Variants in RIMS2 observed in about 807,000 individuals in gnomAD.
RIMS2 encodes the protein regulating synaptic membrane exocytosis 2.
RIMS2 carries 59 observed loss-of-function variants against 174.4 expected under a neutral mutation model. That is an observed-to-expected ratio of 0.34 (90% CI 0.27 to 0.42). The LOEUF is 0.42. Among genes scored for constraint, RIMS2 ranks in the 10% least tolerant of loss-of-function variants. The pLI is 1.00. For synonymous variants in RIMS2, 606 were observed against 572.5 expected (o/e 1.06, Z -0.84); for missense variants, 1,620 against 1,666.3 (o/e 0.97, Z 0.48).
intron 1 of RIMS2, among the ~76,000 whole-genome samples, chr8:103,586,541 T>A (rs1321534955): frequency 6.6e-6 from 1 of 152,088 alleles, no homozygotes; most frequent in Non-Finnish European, 1.5e-5. Context: ...AAAAATTTGT[T>A]GAAATAAATG....
intron 19 of RIMS2, among the ~76,000 whole-genome samples, chr8:104,138,455 T>C (rs1217334715): frequency 6.6e-6 from 1 of 152,200 alleles, no homozygotes; most frequent in African/African-American, 2.4e-5. Context: ...CTTTTTTCGA[T>C]AAAATCCATT....
At chr8:103,520,818 A>G (rs561340151) in intron 1 of RIMS2, among the ~76,000 whole-genome samples, 5 of 152,100 alleles carry the variant, frequency 3.3e-5, no homozygotes, top group Non-Finnish European at 7.4e-5. Flanking sequence ...TGAAATCACC[A>G]TCTTTCAAAT....
chr8:103,996,337 C>G (rs1015837358), intron 17 of RIMS2, among the ~76,000 whole-genome samples: 1 of 151,680 alleles, frequency 6.6e-6, no homozygotes, highest in African/African-American at 2.4e-5. Context: ...TGAACCTCCT[C>G]GTAAATAGGC....
At chr8:103,984,792 GC>G (rs2094212373) in intron 16 of RIMS2, among the ~76,000 whole-genome samples, 1 of 152,188 alleles carries the variant, frequency 6.6e-6, no homozygotes, top group Non-Finnish European at 1.5e-5. Context: ...AGATTTGGAA[GC>G]AACCTACATG....
At chr8:103,768,441 G>A (rs1331198101) in intron 3 of RIMS2, 3 of 768,056 alleles carry the variant, frequency 3.9e-6, no homozygotes, top group East Asian at 4.9e-5. Context: ...CTAATCAGTG[G>A]TGGGAATGAC....
chr8:103,536,621 T>A lies in RIMS2; in HGVS notation c.176+35559T>A, dbSNP rs374601700. Among the ~76,000 whole-genome samples the A allele has an allele frequency of 2.0e-5, 3 of 152,144 alleles. No homozygotes were observed. In the East Asian group the frequency reaches 5.8e-4, roughly 29 times the overall value. On this transcript the variant is annotated intron_variant, in intron 1 of 23. Coordinates refer to ENST00000504942, the Ensembl canonical transcript of RIMS2. ...GAGGGGGAAGCAGGCACATCTTGCA[T>A]GGCCAGAGCAAGAGCAAGAGACACT...
chr8:104,093,790 A>G (rs1291636783), intron 19 of RIMS2, 147 bp downstream of exon 24: 2 of 530,424 alleles, frequency 3.8e-6, no homozygotes, highest in African/African-American at 2.0e-5. Flanking sequence ...CTACTTTTTA[A>G]TATATTTTAA....
At chr8:103,875,339 A>T (rs2099131168) in intron 3 of RIMS2, among the ~76,000 whole-genome samples, 1 of 151,936 alleles carries the variant, frequency 6.6e-6, no homozygotes, top group Non-Finnish European at 1.5e-5. Context: ...CTTAGCTCCC[A>T]CTTATGAGTA....
At chr8:103,605,481 C>T (rs1438110943) in intron 1 of RIMS2, among the ~76,000 whole-genome samples, 1 of 150,014 alleles carries the variant, frequency 6.7e-6, no homozygotes, top group East Asian at 2.0e-4. Flanking sequence ...TGTGTCTCTG[C>T]CCGGCTTTGG....
rs186263806 is a variant in RIMS2 at position 104,028,612 on chromosome 8, G to A, written c.3334+13997G>A. Among the ~76,000 whole-genome samples, 26 of 152,212 alleles carry A rather than the reference G, an allele frequency of 1.7e-4. No individual in the cohort carries two copies. In the East Asian group the frequency reaches 4.8e-3, roughly 28 times the overall value. On this transcript the variant is annotated intron_variant, in intron 19 of 23. Coordinates refer to ENST00000504942, the Ensembl canonical transcript of RIMS2. ...TTCTGGAAAATCTTGTAAACTCTCA[G>A]TGCCTCAATTTCACCATCTCTGTTA...
intron 2 of RIMS2, among the ~76,000 whole-genome samples, chr8:103,727,175 A>G (rs902584235): frequency 9.2e-5 from 14 of 151,906 alleles, no homozygotes; most frequent in African/African-American, 3.4e-4. Flanking sequence ...TATTATTTGA[A>G]TTTTTTAGTT....
At chr8:103,663,511 A>G (rs2096629640) in intron 1 of RIMS2, among the ~76,000 whole-genome samples, 1 of 152,226 alleles carries the variant, frequency 6.6e-6, no homozygotes, top group Non-Finnish European at 1.5e-5. Context: ...CAGCCAAATC[A>G]TGAGTGATCT....
chr8:103,907,754 T>C (rs1165852053), intron 4 of RIMS2, among the ~76,000 whole-genome samples: 1 of 151,246 alleles, frequency 6.6e-6, no homozygotes, highest in African/African-American at 2.4e-5. Context: ...TTATTTTTTA[T>C]GTTTTTTTTT....
intron 1 of RIMS2, among the ~76,000 whole-genome samples, chr8:103,575,573 T>C (rs530273166): frequency 6.6e-6 from 1 of 151,400 alleles, no homozygotes; most frequent in Admixed American, 6.6e-5. Flanking sequence ...TCAAAGGTGG[T>C]GAAGTGAAGC....
At chr8:104,071,980 T>C (rs2097204746) in intron 19 of RIMS2, among the ~76,000 whole-genome samples, 2 of 152,194 alleles carry the variant, frequency 1.3e-5, no homozygotes, top group Non-Finnish European at 2.9e-5. Flanking sequence ...TCCTACTGAA[T>C]GTAGAATACT....
chr8:103,651,249 C>A (rs2096447266), intron 1 of RIMS2, among the ~76,000 whole-genome samples: 1 of 152,190 alleles, frequency 6.6e-6, no homozygotes, highest in Non-Finnish European at 1.5e-5. Context: ...CCCTACCCTG[C>A]TTCTCTTTGT....
intron 3 of RIMS2, among the ~76,000 whole-genome samples, chr8:103,854,385 C>T (rs114415087): frequency 0.01 from 1,565 of 152,034 alleles, 29 homozygotes; most frequent in African/African-American, 0.036. Flanking sequence ...GCTAGGACTT[C>T]AGTAATATGT....
chr8:103,801,745 T>G (rs1369830633), intron 3 of RIMS2, among the ~76,000 whole-genome samples: 3 of 152,222 alleles, frequency 2.0e-5, no homozygotes, highest in African/African-American at 7.2e-5. Flanking sequence ...TGTTTTGTCC[T>G]TCTTATTTAA....
At chr8:104,107,962 C>A (rs574410831) in intron 19 of RIMS2, among the ~76,000 whole-genome samples, 7 of 122,162 alleles carry the variant, frequency 5.7e-5, no homozygotes, top group African/African-American at 1.7e-4. Context: ...GGTGGTCTTT[C>A]CCCTGCCCCC....
Sources: allele counts gnomAD v4.1 joint callset (sites outside exome capture counted in the v4.1 genomes callset), GRCh38; gene constraint gnomAD v4.1.1; transcripts MANE v1.5; gene names NCBI Gene and HGNC (gene_info 2026-07-23, HGNC 2026-07-21).